The following ZCCHC4 variants were observed in gnomAD, a reference collection of about 807,000 sequenced individuals.
ZCCHC4 encodes zinc finger CCHC-type containing 4, also known as rRNA N(6)-adenosine-methyltransferase ZCCHC4.
ZCCHC4 carries 54 observed loss-of-function variants against 67.7 expected under a neutral mutation model. The ratio of observed to expected loss-of-function variants is 0.80; its 90% CI spans 0.64 to 1.00. The LOEUF (loss-of-function observed/expected upper bound fraction) is 1.00. Among genes scored for constraint, ZCCHC4 ranks in the 50% least tolerant of loss-of-function variants. The pLI, the probability that ZCCHC4 is intolerant of heterozygous loss-of-function variation, is 0.00. For synonymous variants in ZCCHC4, 198 were observed against 213.5 expected (o/e 0.93, Z 0.63); for missense variants, 609 against 617.0 (o/e 0.99, Z 0.14).
chr4:25,357,570 A>G (rs1227811924), intron 8 of ZCCHC4, among the ~76,000 whole-genome samples: 1 of 152,116 alleles, frequency 6.6e-6, no homozygotes, highest in African/African-American at 2.4e-5. Flanking sequence ...TAAACTAGAC[A>G]GGGCTGGAGA....
At chr4:25,326,368 C>T (rs1217275264) in intron 3 of ZCCHC4, among the ~76,000 whole-genome samples, 1 of 152,252 alleles carries the variant, frequency 6.6e-6, no homozygotes, top group African/African-American at 2.4e-5. Flanking sequence ...ATCTTAAGAT[C>T]CGTCACTTCA....
chr4:25,330,500 A>G (rs1442528780), intron 3 of ZCCHC4, among the ~76,000 whole-genome samples: 1 of 152,180 alleles, frequency 6.6e-6, no homozygotes, highest in East Asian at 1.9e-4. Context: ...ACCTGTAGCC[A>G]ACTCTGGCCA....
At chr4:25,314,302 T>C (rs1319813869) in intron 2 of ZCCHC4, 138 bp downstream of exon 2, 4 of 593,686 alleles carry the variant, frequency 6.7e-6, no homozygotes, top group African/African-American at 5.5e-5. Flanking sequence ...ACTATGTTTG[T>C]TGGTTCAGAA....
intron 12 of ZCCHC4, among the ~76,000 whole-genome samples, chr4:25,368,107 G>A (rs1273649506): frequency 6.6e-6 from 1 of 152,132 alleles, no homozygotes; most frequent in Non-Finnish European, 1.5e-5. Context: ...AACCCATTAG[G>A]GGATACATTG....
At chr4:25,346,549 C>T (rs1720030795) in intron 6 of ZCCHC4, among the ~76,000 whole-genome samples, 1 of 152,154 alleles carries the variant, frequency 6.6e-6, no homozygotes, top group Non-Finnish European at 1.5e-5. Context: ...CCAAGCAAGA[C>T]TTTAAAAGTC....
At chr4:25,327,825 G>A (rs1453819715) in intron 3 of ZCCHC4, among the ~76,000 whole-genome samples, 3 of 152,062 alleles carry the variant, frequency 2.0e-5, no homozygotes, top group African/African-American at 4.8e-5. Flanking sequence ...TGTCAAGTGC[G>A]TTTTTGGGGG....
intron 3 of ZCCHC4, among the ~76,000 whole-genome samples, chr4:25,324,175 AT>A (rs113889759): frequency 0.81 from 116,229 of 142,766 alleles, 47,391 homozygotes; most frequent in African/African-American, 0.89. Flanking sequence ...TGCCTGGCTA[AT>A]TTTTTTTTTT....
At chr4:25,332,409 C>T (rs1316675590) in intron 3 of ZCCHC4, among the ~76,000 whole-genome samples, 5 of 151,516 alleles carry the variant, frequency 3.3e-5, no homozygotes, top group Non-Finnish European at 7.4e-5. Context: ...CCATGTTCCT[C>T]AATCATATTA....
In ZCCHC4 at chr4:25,349,632, T is replaced by G; in HGVS notation, c.900T>G (p.Gly300=). ...FKKLIAMWKE[G]QSQDDSHKEL... is the part of the protein sequence containing the mutation. The stretch of plus-strand genomic sequence containing the variant: ...AGTTAATTGCTATGTGGAAAGAAGG[T>G]CAAAGCCAAGGTGTATAATTTATTA... The change falls in exon 7 of 13, where the codon GGT becomes GGG. Residue 300 remains glycine (G), a synonymous_variant. Transcript: ENST00000302874. 1 of 1,613,796 alleles carries G rather than the reference T, an allele frequency of 6.2e-7. No individual in the cohort carries two copies. Among genetic ancestry groups the G allele is most frequent in the Non-Finnish European group, 8.5e-7 (1 of 1,179,820 alleles).
chr4:25,321,808 C>A (rs997168682), intron 3 of ZCCHC4, among the ~76,000 whole-genome samples: 9 of 152,178 alleles, frequency 5.9e-5, no homozygotes, highest in African/African-American at 2.2e-4. Flanking sequence ...AGCCACAGTA[C>A]CTGGCCAAGG....
Position 25,338,855 on chromosome 4 carries a change from A to G in ZCCHC4, c.686+4867A>G, listed in dbSNP as rs116039336. ...TTTGGCTATTATGAATAATACTGCT[A>G]TGAACATTTGTGTACAAATTCCATG... On this transcript the variant is annotated intron_variant, in intron 5 of 12. Coordinates refer to ENST00000302874, the MANE Select transcript of ZCCHC4 (RefSeq NM_024936.3). Among the ~76,000 whole-genome samples, 753 of 152,316 alleles carry G rather than the reference A, an allele frequency of 4.9e-3. 6 individuals carry two copies. The highest frequency in any genetic ancestry group is 0.015 in the African/African-American group (644 of 41,574).
chr4:25,318,954 C>CTCAT (rs904584333), intron 3 of ZCCHC4, among the ~76,000 whole-genome samples: 1 of 152,094 alleles, frequency 6.6e-6, no homozygotes, highest in Non-Finnish European at 1.5e-5. Context: ...CATTCATTCA[C>CTCAT]TCATTCATTC....
rs777281294 is a variant in ZCCHC4, at chr4:25,333,323, C to T, written c.470C>T (p.Pro157Leu). ...GNVSITQLRR[P>L]SQLLYPLENK... ...GTGTCCATTACCCAGTTAAGAAGGC[C>T]CAGTCAACTCCTTTATCCACTGGAA... Residue 157 changes from proline to leucine, a missense_variant, in exon 4 of 13, where the codon CCC (proline) becomes CTC (leucine). Physicochemically the swap from Pro to Leu is moderately conservative, Grantham distance 98 (BLOSUM62 -3). Coordinates refer to ENST00000302874, the MANE Select transcript of ZCCHC4 (RefSeq NM_024936.3). The T allele has an allele frequency of 6.2e-7, 1 of 1,613,970 alleles. No individual in the cohort carries two copies. The highest frequency in any genetic ancestry group is 8.5e-7 in the Non-Finnish European group (1 of 1,180,002).
chr4:25,363,671 A>T (rs201564428), intron 10 of ZCCHC4, among the ~76,000 whole-genome samples: 1 of 152,132 alleles, frequency 6.6e-6, no homozygotes, highest in East Asian at 1.9e-4. Context: ...AATACATCTG[A>T]TCGTTTATAT....
Position 25,365,876 on chromosome 4 carries a change from T to G in ZCCHC4, c.1406+710T>G, listed in dbSNP as rs138185302. The G allele has an allele frequency of 4.6e-5, 45 of 985,276 alleles. No homozygotes were observed. The African/African-American group carries it at 5.8e-4, about 13-fold the overall frequency. The allele number at this position is 985,276 out of a possible 1,614,324, so 61.0% of individuals were successfully genotyped here. A position where few individuals can be genotyped will look rare whatever the true frequency, so the allele number is the denominator to read the frequency against. On this transcript the variant is annotated intron_variant, in intron 12 of 12. Transcript: ENST00000302874. ...ACCGAGCTAATTTGAATGATTATAC[T>G]TTTTTCCTAACTAAAAGGGATGATA...
At chr4:25,324,014 G>GTTTTTTTTTTTGTTTTTTTTTTTTTT (rs1718725200) in intron 3 of ZCCHC4, among the ~76,000 whole-genome samples, 2 of 82,442 alleles carry the variant, frequency 2.4e-5, no homozygotes, top group Admixed American at 1.7e-4. Context: ...TGTTTTTTGT[G>GTTTTTTTTTTTGTTTTTTTTTTTTTT]TTTTTTTTTT....
chr4:25,365,936 C>T, intron 12 of ZCCHC4: 8 of 984,176 alleles, frequency 8.1e-6, no homozygotes, highest in Non-Finnish European at 8.4e-6. Flanking sequence ...GCTAAGAAAA[C>T]TAATGTTACA....
intron 6 of ZCCHC4, among the ~76,000 whole-genome samples, chr4:25,347,504 G>A (rs934898166): frequency 6.6e-6 from 1 of 152,180 alleles, no homozygotes; most frequent in Non-Finnish European, 1.5e-5. Context: ...CCTCTAAATA[G>A]CACTGCAGCT....
chr4:25,364,321 A>G (rs1720861152), intron 10 of ZCCHC4, 133 bp from the exon 11 acceptor site: 2 of 606,536 alleles, frequency 3.3e-6, no homozygotes, highest in Non-Finnish European at 5.0e-6. Flanking sequence ...CTAATTGTGA[A>G]GCCCAGAAAA....
Sources: gnomAD v4.1 joint callset for allele counts (sites outside exome capture counted in the v4.1 genomes callset) on GRCh38, gnomAD v4.1.1 for gene constraint, MANE v1.5 for transcripts, NCBI Gene and HGNC (gene_info 2026-07-23, HGNC 2026-07-21) for gene names.